ADGRV1: variants seen among roughly 807,000 people sequenced by gnomAD.
ADGRV1 encodes adhesion G protein-coupled receptor V1, also known as G-protein coupled receptor 98.
Under a neutral mutation model 596.2 loss-of-function variants are expected in ADGRV1, and 359 were observed. The observed-to-expected ratio is 0.60, with a 90% CI of 0.55 to 0.66. The LOEUF (loss-of-function observed/expected upper bound fraction) is 0.66, where lower values mean the gene tolerates loss of function less well. ADGRV1 is among the 30% of genes least tolerant of loss of function. The pLI is 0.00. For synonymous variants in ADGRV1, 2,681 were observed against 2,679.2 expected, an observed-to-expected ratio of 1.00 and a Z score of -0.02; for missense variants, 7,274 against 7,575.6, an observed-to-expected ratio of 0.96 and a Z score of 1.48.
chr5:91,135,011 G>A (rs1053098741), intron 87 of ADGRV1, among the ~76,000 whole-genome samples: 6 of 151,832 alleles, frequency 4.0e-5, no homozygotes, highest in Non-Finnish European at 7.4e-5. Flanking sequence ...GTGAAACCCC[G>A]TCTCTACAAG....
rs1467759604 is a variant in ADGRV1 at position 90,810,547 on chromosome 5, C to G, written c.15287C>G (p.Ser5096Ter). The G allele has an allele frequency of 6.2e-7, 1 of 1,613,742 alleles. No individual in the cohort carries two copies. Among genetic ancestry groups the G allele is most frequent in the Non-Finnish European group, 8.5e-7 (1 of 1,179,690 alleles). ...GAATTTTTTTACATTAACCTTACTT[C>G]AGTAGAAATTAGGGGATTACAAAAG... ...IEEFFYINLT[S>*]VEIRGLQKFD... Residue 5096 changes from serine to a stop codon, truncating the protein, a stop_gained, in exon 74 of 90, where the codon TCA (serine) becomes TGA (stop). Transcript: ENST00000405460. LOFTEE classifies it high-confidence loss of function.
chr5:90,638,365 T>C (rs1766517856), intron 11 of ADGRV1, among the ~76,000 whole-genome samples: 1 of 152,096 alleles, frequency 6.6e-6, no homozygotes, highest in Non-Finnish European at 1.5e-5. Flanking sequence ...TTAATCTTCA[T>C]GTAATAAAAT....
intron 86 of ADGRV1, among the ~76,000 whole-genome samples, chr5:91,079,083 T>C (rs1789104445): frequency 6.6e-6 from 1 of 152,224 alleles, no homozygotes; most frequent in African/African-American, 2.4e-5. Flanking sequence ...AAAGTGATCT[T>C]ACCCAGTAAC....
At chr5:90,748,284 A>T (rs766590569) in intron 52 of ADGRV1, among the ~76,000 whole-genome samples, 1 of 152,222 alleles carries the variant, frequency 6.6e-6, no homozygotes, top group African/African-American at 2.4e-5. Context: ...TCTCTGCCCA[A>T]TAGGGATATA....
chr5:90,821,031 T>A (rs1339713319), intron 75 of ADGRV1, among the ~76,000 whole-genome samples: 1 of 152,112 alleles, frequency 6.6e-6, no homozygotes, highest in Non-Finnish European at 1.5e-5. Context: ...GGTTCCATTC[T>A]CCCCATCACT....
chr5:91,014,991 A>G (rs768708784), intron 85 of ADGRV1, among the ~76,000 whole-genome samples: 1 of 151,874 alleles, frequency 6.6e-6, no homozygotes, highest in Non-Finnish European at 1.5e-5. Flanking sequence ...TTTGAGATCT[A>G]TCTAACTTTT....
At chr5:91,003,159 G>A (rs890087077) in intron 85 of ADGRV1, among the ~76,000 whole-genome samples, 14 of 152,212 alleles carry the variant, frequency 9.2e-5, no homozygotes, top group African/African-American at 3.4e-4. Flanking sequence ...CTGGTTGAAG[G>A]GATGGACTGC....
intron 85 of ADGRV1, among the ~76,000 whole-genome samples, chr5:91,058,307 T>C (rs899242751): frequency 7.9e-5 from 12 of 152,130 alleles, no homozygotes; most frequent in African/African-American, 2.9e-4. Flanking sequence ...AGTGCTGTTA[T>C]CTTTCTAATG....
intron 59 of ADGRV1, among the ~76,000 whole-genome samples, 182 bp from the exon 60 acceptor site, chr5:90,774,004 G>A (rs1757956959): frequency 6.6e-6 from 1 of 152,174 alleles, no homozygotes; most frequent in African/African-American, 2.4e-5. Flanking sequence ...AACCTAAGTG[G>A]AATTTGTATT....
chr5:90,981,280 T>C (rs764808062), intron 84 of ADGRV1, among the ~76,000 whole-genome samples: 10 of 152,188 alleles, frequency 6.6e-5, no homozygotes, highest in South Asian at 2.1e-4. Context: ...AGGCATTATT[T>C]TGAGTTTCTG....
intron 87 of ADGRV1, among the ~76,000 whole-genome samples, chr5:91,132,844 G>A (rs1457070718): frequency 6.6e-6 from 1 of 152,228 alleles, no homozygotes; most frequent in African/African-American, 2.4e-5. Flanking sequence ...CTGGAAATCA[G>A]ATGAGTGGAG....
At position 90,725,095 on chromosome 5, in the gene ADGRV1, A is replaced by G. The variant is rs779439009; in HGVS notation, c.9916A>G (p.Ile3306Val). Residue 3306 changes from isoleucine (I) to valine (V), a missense_variant, in exon 47 of 90, where the codon ATA (isoleucine) becomes GTA (valine). Transcript: ENST00000405460. Reference protein sequence around the residue: ...GIFIPVEDLNIENPKTCEAFN... With the variant: ...GIFIPVEDLNVENPKTCEAFN... ...ATTCCTCATTTTCTAGGATTTAAATATAGAAAATCCTAAAACTTGTGAGGC... is the reference window on the plus strand; with the variant it reads ...ATTCCTCATTTTCTAGGATTTAAATGTAGAAAATCCTAAAACTTGTGAGGC... The G allele has an allele frequency of 1.9e-6, 3 of 1,540,758 alleles. No individual in the cohort carries two copies. Among genetic ancestry groups the G allele is most frequent in the African/African-American group, 2.8e-5 (2 of 71,814 alleles).
intron 83 of ADGRV1, among the ~76,000 whole-genome samples, chr5:90,865,086 A>G (rs1342158765): frequency 6.6e-6 from 1 of 152,082 alleles, no homozygotes; most frequent in Non-Finnish European, 1.5e-5. Flanking sequence ...AAATTCCATA[A>G]CTCTGTTTTT....
intron 85 of ADGRV1, among the ~76,000 whole-genome samples, chr5:91,054,071 T>TTGTGTGTGTGTG (rs769226492): frequency 1.1e-4 from 15 of 133,144 alleles, no homozygotes; most frequent in African/African-American, 4.3e-4. Context: ...CTGTGTGTGT[T>TTGTGTGTGTGTG]TGTGTGTGTG....
At chr5:91,065,798 G>C (rs1787833570) in intron 85 of ADGRV1, among the ~76,000 whole-genome samples, 1 of 152,198 alleles carries the variant, frequency 6.6e-6, no homozygotes, top group Admixed American at 6.5e-5. Context: ...TCCGAGGGTA[G>C]ACTCAGAGGA....
intron 50 of ADGRV1, among the ~76,000 whole-genome samples, chr5:90,732,742 A>G (rs914836189): frequency 6.6e-6 from 1 of 152,238 alleles, no homozygotes; most frequent in East Asian, 1.9e-4. Context: ...CTGCATCTGA[A>G]TTCAGTCTAC....
intron 85 of ADGRV1, among the ~76,000 whole-genome samples, chr5:91,045,071 G>A (rs1581886017): frequency 1.3e-5 from 2 of 152,194 alleles, no homozygotes; most frequent in South Asian, 4.1e-4. Context: ...AACACAGCCT[G>A]AGCAAAGATA....
At chr5:90,577,790 C>T (rs1757431807) in intron 1 of ADGRV1, among the ~76,000 whole-genome samples, 1 of 152,104 alleles carries the variant, frequency 6.6e-6, no homozygotes, top group Non-Finnish European at 1.5e-5. Context: ...TCTTTTATTT[C>T]GTTGAGCAGT....
chr5:90,852,347 C>T (rs2443090), intron 79 of ADGRV1, among the ~76,000 whole-genome samples: 149,212 of 152,310 alleles, frequency 0.98, 73,154 homozygotes, highest in East Asian at 1. Context: ...AAATCTACGA[C>T]GTAGTTGTAC....
Sources: gnomAD v4.1 joint callset for allele counts (sites outside exome capture counted in the v4.1 genomes callset) on GRCh38, gnomAD v4.1.1 for gene constraint, MANE v1.5 for transcripts, NCBI Gene and HGNC (gene_info 2026-07-23, HGNC 2026-07-21) for gene names.